ALS2: variants seen among roughly 807,000 people sequenced by gnomAD.
ALS2 encodes alsin Rho guanine nucleotide exchange factor ALS2.
Under a neutral mutation model 203.4 loss-of-function variants are expected in ALS2, and 117 were observed. The ratio of observed to expected loss-of-function variants is 0.58; its 90% CI spans 0.50 to 0.67. ALS2 has a LOEUF of 0.67. Ranked by LOEUF, ALS2 falls within the 30% of genes least tolerant of loss-of-function variation. The probability of loss-of-function intolerance (pLI) is 0.00; values close to 1 mark genes in which losing one functional copy is unlikely to be tolerated. For synonymous variants in ALS2, 718 were observed against 725.9 expected (o/e 0.99, Z 0.17); for missense variants, 1,715 against 1,989.4 (o/e 0.86, Z 2.62).
At chr2:201,720,714 AACACACAC>A (rs146362505) in intron 23 of ALS2, among the ~76,000 whole-genome samples, 4 of 148,960 alleles carry the variant, frequency 2.7e-5, no homozygotes, top group African/African-American at 9.9e-5. Context: ...ACACTATCTC[AACACACAC>A]ACACACACAC....
At chr2:201,745,893 G>A (rs1187296352) in intron 9 of ALS2, among the ~76,000 whole-genome samples, 1 of 152,172 alleles carries the variant, frequency 6.6e-6, no homozygotes, top group Admixed American at 6.5e-5. Flanking sequence ...AGGTTGCAAT[G>A]GGCCAAGACT....
intron 13 of ALS2, among the ~76,000 whole-genome samples, chr2:201,731,614 T>TA (rs1001741401): frequency 6.6e-6 from 1 of 152,108 alleles, no homozygotes; most frequent in African/African-American, 2.4e-5. Context: ...TGGAGACATT[T>TA]AAAAAAATAC....
intron 13 of ALS2, among the ~76,000 whole-genome samples, chr2:201,729,770 A>T (rs1242650955): frequency 6.6e-6 from 1 of 150,828 alleles, no homozygotes; most frequent in Non-Finnish European, 1.5e-5. Flanking sequence ...AGACCCAGCT[A>T]CTCGGGAGGA....
At chr2:201,742,471 A>G (rs1440151633) in intron 10 of ALS2, among the ~76,000 whole-genome samples, 1 of 152,192 alleles carries the variant, frequency 6.6e-6, no homozygotes, top group African/African-American at 2.4e-5. Flanking sequence ...TTTCCAAGCA[A>G]TTAGGAAAGT....
intron 26 of ALS2, 39 bp downstream of exon 26, chr2:201,710,952 T>C: frequency 3.3e-6 from 4 of 1,198,946 alleles, no homozygotes; most frequent in Non-Finnish European, 5.0e-6. Flanking sequence ...AGGTGAATCA[T>C]TAATTCACAA....
intron 12 of ALS2, among the ~76,000 whole-genome samples, chr2:201,734,300 C>T (rs1691744781): frequency 6.6e-6 from 1 of 152,058 alleles, no homozygotes; most frequent in African/African-American, 2.4e-5. Flanking sequence ...CATAATGAAA[C>T]CCTGTCTCTG....
chr2:201,706,977 A>G lies in ALS2; in HGVS notation c.4449T>C (p.Pro1483=). ...GCATAAACAGCGGTGGGTAGAGCCG[A>G]GGTAGCAGCACAGGAAGCAATAATC... ...SSGLLLPVLL[P]RLYPPLFMLY... The change falls in exon 29 of 34, where the codon CCT becomes CCC. Residue 1483 remains proline (P), a synonymous_variant. Transcript: ENST00000264276. 3 of 1,614,042 alleles carry G rather than the reference A, an allele frequency of 1.9e-6. No homozygotes were observed. Among genetic ancestry groups the G allele is most frequent in the African/African-American group, 2.7e-5 (2 of 75,034 alleles).
At chr2:201,741,580 C>T in intron 11 of ALS2, 94 bp downstream of exon 11, 1 of 1,293,060 alleles carries the variant, frequency 7.7e-7, no homozygotes, top group Non-Finnish European at 1.1e-6. Flanking sequence ...CCTTATATCA[C>T]TCTCCCTAAT....
rs1405533300 is a variant in ALS2 at position 201,723,589 on chromosome 2, A to C, written c.3513-148T>G. 4.3e-6 allele frequency: 3 copies of C among 701,568 alleles called. No homozygotes were observed. In the East Asian group the frequency reaches 7.9e-5, roughly 18 times the overall value. 43.5% of individuals were successfully genotyped at this position (701,568 alleles called of 1,614,324 possible). ...TTAAAATAGTTAACTTTGTCTCCTC[A>C]AATATGGGACAAAGTGATAGCAAAA... is the stretch of plus-strand genomic sequence containing the variant. On this transcript the variant is annotated intron_variant, in intron 21 of 33. Transcript: ENST00000264276.
At chr2:201,775,075 T>G (rs1221142031) in intron 1 of ALS2, among the ~76,000 whole-genome samples, 1 of 152,204 alleles carries the variant, frequency 6.6e-6, no homozygotes, top group Non-Finnish European at 1.5e-5. Context: ...ACAACAGTAA[T>G]AATTGTAGTT....
chr2:201,778,523 G>A (rs1694753044), intron 1 of ALS2: 1 of 152,182 alleles, frequency 6.6e-6, no homozygotes, highest in African/African-American at 2.4e-5. Context: ...AGATGAATAA[G>A]AGACAGGGAA....
rs182521547 is a variant in ALS2, at chr2:201,720,417, T to C, written c.3703-2207A>G. Among the ~76,000 whole-genome samples the C allele has an allele frequency of 3.7e-3, 557 of 151,732 alleles. 12 individuals are homozygous for C. Among genetic ancestry groups the C allele is most frequent in the Admixed American group, 0.034 (518 of 15,216 alleles). The stretch of plus-strand genomic sequence containing the variant: ...GAAAAGCACTTTAACAAAAAATGCT[T>C]TTCAGCCAAGCATGGTGGCTCATGC... On this transcript the variant is annotated intron_variant, in intron 23 of 33. Transcript: ENST00000264276.
rs1236759474 is a variant in ALS2, at chr2:201,757,606, T to G, written c.1267A>C (p.Asn423His). The stretch of plus-strand genomic sequence containing the variant: ...TCACAAGGGGTTGTACTATAAAAGT[T>G]CATAACTTTCTTCAGTGACAAGGCA... Reference protein sequence around the residue: ...AGALSLKKVMNFYSTTPCETG... With the variant: ...AGALSLKKVMHFYSTTPCETG... Residue 423 changes from asparagine (N) to histidine (H), a missense_variant, in exon 5 of 34, where the codon AAC becomes CAC. Physicochemically the swap from Asn to His is moderately conservative, Grantham distance 68 (BLOSUM62 1). This residue lies in a region of ALS2 where 476 missense variants were observed against 539.3 expected (regional missense o/e 0.88). Transcript: ENST00000264276. The G allele has an allele frequency of 6.2e-7, 1 of 1,614,156 alleles. No homozygotes were observed. The highest frequency in any genetic ancestry group is 8.5e-7 in the Non-Finnish European group (1 of 1,180,010).
At chr2:201,724,215 A>AT in intron 21 of ALS2, 80 bp downstream of exon 21, 1 of 1,463,630 alleles carries the variant, frequency 6.8e-7, no homozygotes, top group East Asian at 2.3e-5. Flanking sequence ...AAAAGACAAA[A>AT]TAAGTATAAA....
chr2:201,749,414 CAG>C (rs753218809), intron 8 of ALS2, among the ~76,000 whole-genome samples: 1 of 151,982 alleles, frequency 6.6e-6, no homozygotes, highest in Non-Finnish European at 1.5e-5. Context: ...GAGAAAACAG[CAG>C]AGTCCTAGAA....
intron 23 of ALS2, among the ~76,000 whole-genome samples, chr2:201,718,784 T>C (rs1690573090): frequency 2.0e-5 from 3 of 151,890 alleles, no homozygotes; most frequent in South Asian, 4.1e-4. Context: ...TATATCAAAA[T>C]TTAGGGGATG....
chr2:201,725,534 T>G, intron 19 of ALS2, 80 bp from the exon 20 acceptor site: 1 of 1,157,974 alleles, frequency 8.6e-7, no homozygotes, highest in South Asian at 1.2e-5. Flanking sequence ...CTGGTAAACA[T>G]TTTAACAAGG....
chr2:201,708,524 GT>G, intron 27 of ALS2, among the ~76,000 whole-genome samples: 1 of 152,128 alleles, frequency 6.6e-6, no homozygotes, highest in Non-Finnish European at 1.5e-5. Flanking sequence ...TATCCTATCA[GT>G]AAGTTTTCAA....
chr2:201,779,333 C>T (rs917588212), intron 1 of ALS2, among the ~76,000 whole-genome samples: 10 of 152,244 alleles, frequency 6.6e-5, no homozygotes, highest in Admixed American at 5.9e-4. Flanking sequence ...CACTGTTAAA[C>T]AACTTTGACG....
Sources: gnomAD v4.1 joint callset for allele counts (sites outside exome capture counted in the v4.1 genomes callset) on GRCh38, gnomAD v4.1.1 for gene constraint, gnomAD v4.1.1 regional missense constraint, MANE v1.5 for transcripts, NCBI Gene and HGNC (gene_info 2026-07-23, HGNC 2026-07-21) for gene names.